The following ODR4 variants were observed in gnomAD, a reference collection of about 807,000 sequenced individuals.
The protein encoded by ODR4 is protein odr-4 homolog.
ODR4 carries 47 observed loss-of-function variants against 60.2 expected under a neutral mutation model. The observed-to-expected ratio is 0.78, with a 90% CI of 0.62 to 1.00. The LOEUF (loss-of-function observed/expected upper bound fraction) is 1.00. Ranked by LOEUF, ODR4 falls within the 50% of genes least tolerant of loss-of-function variation. ODR4 has a pLI of 0.00. For missense variants in ODR4, 488 were observed against 530.8 expected (o/e 0.92, Z 0.79); for synonymous variants, 178 against 175.5 (o/e 1.01, Z -0.11).
At chr1:186,422,096 T>C (rs1661799700), downstream of ODR4, among the ~76,000 whole-genome samples, 1 of 151,986 alleles carries the variant, frequency 6.6e-6, no homozygotes, top group Non-Finnish European at 1.5e-5. Flanking sequence ...AACTAGGCTG[T>C]TTAAAATAAA....
intron 12 of ODR4, among the ~76,000 whole-genome samples, chr1:186,413,088 T>C (rs1661433062): frequency 6.6e-6 from 1 of 152,104 alleles, no homozygotes; most frequent in African/African-American, 2.4e-5. Context: ...CATATTGCTT[T>C]GTCTTCTAAG....
chr1:186,387,979 T>C (rs979501982), intron 4 of ODR4, among the ~76,000 whole-genome samples: 2 of 152,256 alleles, frequency 1.3e-5, no homozygotes, highest in African/African-American at 4.8e-5. Context: ...GTGACATGCT[T>C]GATTTCTTTA....
intron 10 of ODR4, 101 bp downstream of exon 10, chr1:186,398,542 A>G (rs1158763991): frequency 8.5e-7 from 1 of 1,181,590 alleles, no homozygotes. Flanking sequence ...TATTAATTCG[A>G]TTTTAACTGA....
At chr1:186,424,369 A>G (rs1006301687), downstream of ODR4, among the ~76,000 whole-genome samples, 37 of 152,300 alleles carry the variant, frequency 2.4e-4, no homozygotes, top group African/African-American at 8.4e-4. Flanking sequence ...TTTTTCTTTT[A>G]AAGGAGTCAT....
intron 12 of ODR4, chr1:186,411,798 T>C: frequency 3.4e-6 from 3 of 869,752 alleles, no homozygotes; most frequent in Non-Finnish European, 4.1e-6. Context: ...ATTTCTCTTT[T>C]TTATGCTGAC....
At chr1:186,385,448 G>A (rs770323335) in intron 3 of ODR4, among the ~76,000 whole-genome samples, 2 of 151,276 alleles carry the variant, frequency 1.3e-5, no homozygotes, top group Non-Finnish European at 2.9e-5. Flanking sequence ...AAGCCCTGTC[G>A]GAGTTCAGAG....
chr1:186,379,461 A>T, intron 1 of ODR4, among the ~76,000 whole-genome samples: 1 of 147,138 alleles, frequency 6.8e-6, no homozygotes, highest in Non-Finnish European at 1.5e-5. Context: ...AAAAAAAAAA[A>T]AAGAAATCTG....
chr1:186,418,129 A>G (rs1661642899), intron 13 of ODR4, among the ~76,000 whole-genome samples: 2 of 152,208 alleles, frequency 1.3e-5, no homozygotes, highest in Non-Finnish European at 2.9e-5. Flanking sequence ...TGGAGTAACA[A>G]TTTGAGAAAT....
At chr1:186,399,099 G>T in intron 11 of ODR4, 55 bp downstream of exon 11, 1 of 1,046,630 alleles carries the variant, frequency 9.6e-7, no homozygotes, top group Non-Finnish European at 1.5e-6. Flanking sequence ...ATAGTAATAA[G>T]ATATCAAGAT....
At chr1:186,426,433 G>C in the ODR4 span, among the ~76,000 whole-genome samples, 1 of 152,172 alleles carries the variant, frequency 6.6e-6, no homozygotes, top group Admixed American at 6.5e-5. Flanking sequence ...CAGTTTATCT[G>C]GTTTTCCTTC....
chr1:186,398,143 T>C (rs1327321776), intron 9 of ODR4, among the ~76,000 whole-genome samples, 170 bp from the exon 10 acceptor site: 1 of 152,208 alleles, frequency 6.6e-6, no homozygotes, highest in East Asian at 1.9e-4. Flanking sequence ...AATATATAAC[T>C]TATAAAAACA....
At chr1:186,394,339 A>G (rs1375420016) in intron 9 of ODR4, among the ~76,000 whole-genome samples, 1 of 152,186 alleles carries the variant, frequency 6.6e-6, no homozygotes, top group Admixed American at 6.5e-5. Context: ...AATTTTAACA[A>G]CTTAAAAGAT....
At chr1:186,405,986 TTATTTC>T in intron 11 of ODR4, 91 bp from the exon 12 acceptor site, 1 of 874,364 alleles carries the variant, frequency 1.1e-6, no homozygotes, top group African/African-American at 1.8e-5. Context: ...CTTTTAAGCT[TTATTTC>T]TATTAGTTTT....
At chr1:186,402,203 T>TTTCTTTCTTTCTTTCTTTCTTTCTTTCC (rs1660996317) in intron 11 of ODR4, among the ~76,000 whole-genome samples, 1 of 145,542 alleles carries the variant, frequency 6.9e-6, no homozygotes, top group African/African-American at 2.6e-5. Flanking sequence ...TCTTTCTTTC[T>TTTCTTTCTTTCTTTCTTTCTTTCTTTCC]TTCTTTCTTT....
chr1:186,381,174 G>T lies in ODR4; in HGVS notation c.99+1290G>T, dbSNP rs1318379488. ...CTTTCTCTTTGTTTAAAACATTTAA[G>T]AGAAGAAGAGTCTTAGAGAAAGATG... is the stretch of plus-strand genomic sequence containing the variant. On this transcript the variant is annotated intron_variant, in intron 2 of 13. Transcript: ENST00000287859. 2.0e-5 allele frequency among the ~76,000 whole-genome samples: 3 copies of T among 152,168 alleles called. No homozygotes were observed. In the East Asian group the frequency reaches 5.8e-4, roughly 29 times the overall value.
chr1:186,424,814 A>G (rs996208384), downstream of ODR4, among the ~76,000 whole-genome samples: 4 of 152,134 alleles, frequency 2.6e-5, no homozygotes, highest in Admixed American at 6.6e-5. Flanking sequence ...GCTATCATTT[A>G]TGGCTGGGAT....
rs531337961 is a variant in ODR4 at position 186,399,989 on chromosome 1, T to C, written c.1000+945T>C. 5.7e-3 allele frequency among the ~76,000 whole-genome samples: 836 copies of C among 145,586 alleles called. 10 individuals carry two copies. Among genetic ancestry groups the C allele is most frequent in the Non-Finnish European group, 6.4e-3 (425 of 66,926 alleles). ...ATCATCTCCCCATTCTTTTTTTTTT[T>C]CTTTTTTTTTTTTTTTTTTTGAGAC... On this transcript the variant is annotated intron_variant, in intron 11 of 13. Coordinates refer to ENST00000287859, the MANE Select transcript of ODR4 (RefSeq NM_017847.6).
intron 4 of ODR4, among the ~76,000 whole-genome samples, chr1:186,386,900 T>C (rs1467361081): frequency 2.0e-5 from 3 of 152,164 alleles, no homozygotes; most frequent in African/African-American, 7.2e-5. Context: ...ACCAGAGAAT[T>C]GGGTAACATA....
At chr1:186,397,480 G>GA (rs1660749922) in intron 9 of ODR4, among the ~76,000 whole-genome samples, 1 of 151,928 alleles carries the variant, frequency 6.6e-6, no homozygotes, top group Non-Finnish European at 1.5e-5. Flanking sequence ...TGCCTTATTT[G>GA]AAATGCTTAG....
Sources: gnomAD v4.1 joint callset for allele counts (sites outside exome capture counted in the v4.1 genomes callset) on GRCh38, gnomAD v4.1.1 for gene constraint, MANE v1.5 for transcripts, NCBI Gene and HGNC (gene_info 2026-07-23, HGNC 2026-07-21) for gene names.